The following FILIP1L variants were observed in gnomAD, a reference collection of about 807,000 sequenced individuals.
FILIP1L encodes filamin A-interacting protein 1-like.
In FILIP1L, 55 loss-of-function variants were observed where a neutral mutation model predicts 96.6. That is an observed-to-expected ratio of 0.57 (90% CI 0.46 to 0.71). The LOEUF is 0.71. Ranked by LOEUF, FILIP1L falls within the 30% of genes least tolerant of loss-of-function variation. The pLI is 0.00. For synonymous variants in FILIP1L, 467 were observed against 473.9 expected (o/e 0.99, Z 0.19); for missense variants, 1,304 against 1,321.2 (o/e 0.99, Z 0.20).
At chr3:100,005,002 C>T (rs754823288) in intron 1 of FILIP1L, among the ~76,000 whole-genome samples, 1 of 152,150 alleles carries the variant, frequency 6.6e-6, no homozygotes, top group Non-Finnish European at 1.5e-5. Context: ...GAAATCAAGG[C>T]TGGCTCTACA....
intron 4 of FILIP1L, among the ~76,000 whole-genome samples, chr3:99,873,644 C>T (rs1402011571): frequency 6.6e-6 from 1 of 152,106 alleles, no homozygotes; most frequent in Non-Finnish European, 1.5e-5. Context: ...ATCTCAAAAT[C>T]CATTTATTAC....
intron 4 of FILIP1L, 84 bp from the exon 5 acceptor site, chr3:99,851,154 A>G: frequency 9.3e-7 from 1 of 1,080,402 alleles, no homozygotes; most frequent in African/African-American, 1.6e-5. Flanking sequence ...GTAATTTAGA[A>G]ATTATGTAAT....
At chr3:100,068,214 A>G (rs1253064148) in intron 1 of FILIP1L, among the ~76,000 whole-genome samples, 2 of 152,242 alleles carry the variant, frequency 1.3e-5, no homozygotes, top group East Asian at 3.8e-4. Context: ...CCTGGTATTG[A>G]CAAAGATACA....
chr3:99,935,823 G>A (rs1418409169), intron 1 of FILIP1L, among the ~76,000 whole-genome samples: 1 of 152,190 alleles, frequency 6.6e-6, no homozygotes, highest in Non-Finnish European at 1.5e-5. Flanking sequence ...TTGGGCTTAA[G>A]TTAGTTGAAA....
Position 99,910,679 on chromosome 3 carries a change from G to A in FILIP1L, c.605+13551C>T, listed in dbSNP as rs1222353634. Among the ~76,000 whole-genome samples the A allele has an allele frequency of 2.2e-5, 3 of 136,882 alleles. 1 individual carries two copies. Among genetic ancestry groups the A allele is most frequent in the Admixed American group, 7.8e-5 (1 of 12,868 alleles). 89.8% of individuals were successfully genotyped at this position (136,882 alleles called of 152,430 possible). A position where few individuals can be genotyped will look rare whatever the true frequency, so the allele number is the denominator to read the frequency against. ...CCATATGTAAATAAACATTTTATGG[G>A]GTTTATATTTTCCCTTTGGCCTATA... On this transcript the variant is annotated intron_variant, in intron 4 of 5. Transcript: ENST00000477258.
intron 1 of FILIP1L, among the ~76,000 whole-genome samples, chr3:100,066,517 C>CTTTTTTTTT (rs545356638): frequency 5.2e-5 from 2 of 38,318 alleles, no homozygotes; most frequent in Non-Finnish European, 8.8e-5. Context: ...GGCTTTGCTT[C>CTTTTTTTTT]TTTTTTTTTT....
At chr3:100,051,462 C>G (rs2065371250) in intron 1 of FILIP1L, among the ~76,000 whole-genome samples, 1 of 150,758 alleles carries the variant, frequency 6.6e-6, no homozygotes, top group African/African-American at 2.4e-5. Flanking sequence ...CTCATTAACT[C>G]GTCATTTAAC....
At chr3:100,105,424 T>G (rs991779533) in intron 1 of FILIP1L, among the ~76,000 whole-genome samples, 1 of 152,188 alleles carries the variant, frequency 6.6e-6, no homozygotes, top group East Asian at 1.9e-4. Context: ...CAACTGCAAT[T>G]CGTATCTAAC....
intron 1 of FILIP1L, among the ~76,000 whole-genome samples, chr3:99,942,778 GAC>G (rs1444852622): frequency 1.3e-5 from 2 of 151,728 alleles, no homozygotes; most frequent in Non-Finnish European, 2.9e-5. Context: ...GCAGTGAGCC[GAC>G]ACAGTGCCAC....
intron 1 of FILIP1L, among the ~76,000 whole-genome samples, chr3:100,001,215 G>A (rs565134393): frequency 3.5e-4 from 54 of 152,282 alleles, no homozygotes; most frequent in Non-Finnish European, 5.1e-4. Flanking sequence ...CTATTTAATA[G>A]TATACTATGA....
At chr3:100,001,032 T>C (rs1436111725) in intron 1 of FILIP1L, among the ~76,000 whole-genome samples, 1 of 152,184 alleles carries the variant, frequency 6.6e-6, no homozygotes, top group Non-Finnish European at 1.5e-5. Context: ...CTTTGAATTG[T>C]TCTATATTTC....
intron 5 of FILIP1L, chr3:99,833,144 T>C (rs1402816998): frequency 1.6e-5 from 19 of 1,169,912 alleles, no homozygotes; most frequent in Non-Finnish European, 2.3e-5. Context: ...AGCTCATTCA[T>C]AGAAGAAAAC....
At chr3:99,976,645 T>A (rs1024885618) in intron 1 of FILIP1L, among the ~76,000 whole-genome samples, 6 of 152,230 alleles carry the variant, frequency 3.9e-5, no homozygotes, top group African/African-American at 1.4e-4. Flanking sequence ...GCATCTTTTT[T>A]TTAAACTGTT....
intron 1 of FILIP1L, among the ~76,000 whole-genome samples, chr3:99,965,198 CT>C (rs1708612707): frequency 6.6e-6 from 1 of 152,224 alleles, no homozygotes; most frequent in Admixed American, 6.5e-5. Flanking sequence ...GGGATATGTG[CT>C]TAAATTGTGA....
chr3:99,965,428 G>A (rs879042819), intron 1 of FILIP1L, among the ~76,000 whole-genome samples: 7 of 152,326 alleles, frequency 4.6e-5, no homozygotes, highest in Admixed American at 4.6e-4. Context: ...GGATGTACCA[G>A]CATGTTCTTC....
intron 1 of FILIP1L, among the ~76,000 whole-genome samples, chr3:99,983,462 G>GTATATATATA (rs1466852207): frequency 8.3e-5 from 1 of 11,996 alleles, no homozygotes; most frequent in Non-Finnish European, 2.0e-4. Flanking sequence ...ATATATATGT[G>GTATATATATA]TGTATATATA....
intron 1 of FILIP1L, among the ~76,000 whole-genome samples, chr3:99,996,630 CAT>C (rs1709691363): frequency 6.6e-6 from 1 of 152,154 alleles, no homozygotes; most frequent in Admixed American, 6.5e-5. Flanking sequence ...TACAGTTCCA[CAT>C]GTCTGGGGAG....
intron 1 of FILIP1L, among the ~76,000 whole-genome samples, chr3:100,071,090 CTT>C (rs61563009): frequency 3.6e-3 from 255 of 70,572 alleles, no homozygotes; most frequent in African/African-American, 0.014. Context: ...GCTACTCTCT[CTT>C]TTTTTTTTTT....
chr3:99,996,536 T>C (rs1709687394), intron 1 of FILIP1L, among the ~76,000 whole-genome samples: 2 of 152,140 alleles, frequency 1.3e-5, no homozygotes, highest in Admixed American at 1.3e-4. Context: ...ACTCCACCAG[T>C]ACCAATTGAC....
Sources: gnomAD v4.1 joint callset for allele counts (sites outside exome capture counted in the v4.1 genomes callset) on GRCh38, gnomAD v4.1.1 for gene constraint, MANE v1.5 for transcripts, NCBI Gene and HGNC (gene_info 2026-07-23, HGNC 2026-07-21) for gene names.